WWOX: variants seen among roughly 807,000 people sequenced by gnomAD.
The protein encoded by WWOX is WW domain-containing oxidoreductase.
WWOX carries 69 observed loss-of-function variants against 46.2 expected under a neutral mutation model. That is an observed-to-expected ratio of 1.49 (90% CI 1.23 to 1.82). WWOX has a LOEUF of 1.82. WWOX is among the 40% of genes most tolerant of loss of function. The pLI, the probability that WWOX is intolerant of heterozygous loss-of-function variation, is 0.00. For synonymous variants in WWOX, 359 were observed against 202.6 expected, an observed-to-expected ratio of 1.77 and a Z score of -6.56; for missense variants, 919 against 542.6, an observed-to-expected ratio of 1.69 and a Z score of -6.89.
At chr16:78,566,338 A>G (rs2044565101) in intron 8 of WWOX, among the ~76,000 whole-genome samples, 1 of 152,066 alleles carries the variant, frequency 6.6e-6, no homozygotes, top group Non-Finnish European at 1.5e-5. Context: ...TATCTCACTT[A>G]CCTCTCTACT....
At chr16:79,085,458 C>T (rs763088658) in intron 8 of WWOX, among the ~76,000 whole-genome samples, 5 of 152,094 alleles carry the variant, frequency 3.3e-5, no homozygotes, top group Admixed American at 6.6e-5. Flanking sequence ...TTCACTGGGC[C>T]GATGTGGGCA....
intron 8 of WWOX, among the ~76,000 whole-genome samples, chr16:78,991,735 T>C (rs2046891262): frequency 6.6e-6 from 1 of 152,280 alleles, no homozygotes; most frequent in East Asian, 1.9e-4. Flanking sequence ...CTCGTGGTGA[T>C]GTTAAGATGA....
intron 5 of WWOX, among the ~76,000 whole-genome samples, chr16:78,242,503 C>T (rs1192855611): frequency 6.6e-6 from 1 of 152,126 alleles, no homozygotes; most frequent in Non-Finnish European, 1.5e-5. Context: ...GAGGAGTTTT[C>T]TTCGTGGTCT....
intron 8 of WWOX, among the ~76,000 whole-genome samples, chr16:78,925,274 C>CA (rs2045472522): frequency 6.6e-6 from 1 of 152,226 alleles, no homozygotes; most frequent in African/African-American, 2.4e-5. Context: ...ATTGCTGCCA[C>CA]TGGGTGGCAG....
intron 8 of WWOX, among the ~76,000 whole-genome samples, chr16:78,860,228 A>G (rs114666879): frequency 9.2e-5 from 14 of 152,310 alleles, no homozygotes; most frequent in African/African-American, 2.2e-4. Context: ...TATTTATACT[A>G]TTTGTCAATT....
chr16:78,565,697 C>G (rs1007291844), intron 8 of WWOX, among the ~76,000 whole-genome samples: 4 of 152,256 alleles, frequency 2.6e-5, no homozygotes, highest in African/African-American at 7.2e-5. Flanking sequence ...GTCATTATTA[C>G]TCTACCACAA....
intron 5 of WWOX, among the ~76,000 whole-genome samples, chr16:78,283,503 G>A (rs772883098): frequency 2.6e-5 from 4 of 152,098 alleles, no homozygotes; most frequent in Non-Finnish European, 5.9e-5. Flanking sequence ...TTTTAATTGA[G>A]TAAATATATT....
chr16:78,507,719 A>T (rs1772884585), intron 8 of WWOX, among the ~76,000 whole-genome samples: 1 of 152,094 alleles, frequency 6.6e-6, no homozygotes, highest in Admixed American at 6.6e-5. Context: ...TGCTTGAATT[A>T]TAATATGGTA....
At chr16:78,229,516 A>ATT (rs2037181899) in intron 5 of WWOX, among the ~76,000 whole-genome samples, 2 of 42,800 alleles carry the variant, frequency 4.7e-5, no homozygotes, top group African/African-American at 1.9e-4. Context: ...CTATATAGAG[A>ATT]TATATATATA....
intron 7 of WWOX, among the ~76,000 whole-genome samples, chr16:78,427,086 T>C (rs1241173673): frequency 6.6e-6 from 1 of 152,178 alleles, no homozygotes; most frequent in Non-Finnish European, 1.5e-5. Flanking sequence ...GCGTAGGTGG[T>C]ACGTGAAGAC....
intron 8 of WWOX, among the ~76,000 whole-genome samples, chr16:79,158,764 C>G (rs945192661): frequency 2.7e-4 from 41 of 152,300 alleles, no homozygotes; most frequent in African/African-American, 8.7e-4. Flanking sequence ...CTAAAGAAGC[C>G]ACCTCCTCCA....
At position 78,749,543 on chromosome 16, in the gene WWOX, C is replaced by T. The variant is rs558249384; in HGVS notation, c.1056+316791C>T. The stretch of plus-strand genomic sequence containing the variant: ...TTACAATTGTTGTTTTACCCTAGGG[C>T]TATGCAAAGTAGTTTAAGGATGTAT... On this transcript the variant is annotated intron_variant, in intron 8 of 8. Transcript: ENST00000566780. Among the ~76,000 whole-genome samples, 4 of 152,010 alleles carry T rather than the reference C, an allele frequency of 2.6e-5. No homozygotes were observed. In the East Asian group the frequency reaches 7.8e-4, roughly 29 times the overall value.
chr16:78,771,177 A>G (rs1307933400), intron 8 of WWOX, among the ~76,000 whole-genome samples: 1 of 152,208 alleles, frequency 6.6e-6, no homozygotes, highest in African/African-American at 2.4e-5. Flanking sequence ...CCATTTGGAT[A>G]GTCTTGAACA....
intron 5 of WWOX, among the ~76,000 whole-genome samples, chr16:78,358,721 G>C (rs1399810400): frequency 6.6e-6 from 1 of 151,802 alleles, no homozygotes; most frequent in Non-Finnish European, 1.5e-5. Context: ...ATACAAATGA[G>C]GGAAAATATA....
At chr16:79,187,844 C>G (rs898107214) in intron 8 of WWOX, among the ~76,000 whole-genome samples, 5 of 152,222 alleles carry the variant, frequency 3.3e-5, no homozygotes, top group African/African-American at 1.2e-4. Context: ...GCCTGGCCCC[C>G]TTTCACTTGT....
At chr16:78,494,402 G>T (rs1006379769) in intron 8 of WWOX, among the ~76,000 whole-genome samples, 6 of 152,178 alleles carry the variant, frequency 3.9e-5, no homozygotes, top group Admixed American at 3.9e-4. Context: ...GCAACCAGAG[G>T]CTTAGAGGAG....
chr16:78,923,234 G>A (rs1350565419), intron 8 of WWOX, among the ~76,000 whole-genome samples: 1 of 152,002 alleles, frequency 6.6e-6, no homozygotes, highest in Non-Finnish European at 1.5e-5. Flanking sequence ...GCGTAACTCG[G>A]CCTCCCAAAG....
chr16:78,968,795 G>A (rs1201456823), intron 8 of WWOX, among the ~76,000 whole-genome samples: 3 of 151,918 alleles, frequency 2.0e-5, no homozygotes, highest in African/African-American at 7.3e-5. Context: ...AGCACAGATT[G>A]TTTCATTTTA....
chr16:78,111,419 C>T (rs759311599), intron 3 of WWOX, among the ~76,000 whole-genome samples: 3 of 152,150 alleles, frequency 2.0e-5, no homozygotes, highest in Non-Finnish European at 4.4e-5. Context: ...TGTATAGGCT[C>T]AGGTGCTAAA....
Sources: allele counts gnomAD v4.1 joint callset (sites outside exome capture counted in the v4.1 genomes callset), GRCh38; gene constraint gnomAD v4.1.1; transcripts MANE v1.5; gene names NCBI Gene and HGNC (gene_info 2026-07-23, HGNC 2026-07-21).